TNS3: variants seen among roughly 807,000 people sequenced by gnomAD.
The protein encoded by TNS3 is tensin 3, also known as tensin-3.
Under a neutral mutation model 140.9 loss-of-function variants are expected in TNS3, and 45 were observed. The ratio of observed to expected loss-of-function variants is 0.32; its 90% CI spans 0.25 to 0.41. The LOEUF is 0.41. Ranked by LOEUF, TNS3 falls within the 10% of genes least tolerant of loss-of-function variation. The pLI is 1.00. For missense variants in TNS3, 1,716 were observed against 1,906.7 expected, an observed-to-expected ratio of 0.90 and a Z score of 1.86; for synonymous variants, 815 against 788.4, an observed-to-expected ratio of 1.03 and a Z score of -0.56.
intron 1 of TNS3, among the ~76,000 whole-genome samples, chr7:47,538,786 C>T (rs1799695922): frequency 6.6e-6 from 1 of 152,210 alleles, no homozygotes; most frequent in Admixed American, 6.5e-5. Context: ...TCATTTCCCC[C>T]TGTCCTTCAA....
At chr7:47,362,126 C>T (rs547821569) in intron 17 of TNS3, among the ~76,000 whole-genome samples, 16 of 152,296 alleles carry the variant, frequency 1.1e-4, no homozygotes, top group African/African-American at 3.6e-4. Flanking sequence ...CACCCAGGGG[C>T]TCTTCCACAA....
At chr7:47,414,234 G>A (rs996756225) in intron 11 of TNS3, among the ~76,000 whole-genome samples, 10 of 152,180 alleles carry the variant, frequency 6.6e-5, no homozygotes, top group African/African-American at 2.4e-4. Context: ...AAAGGCTCCT[G>A]AAGTGAAGCC....
chr7:47,294,613 T>C (rs977509429), intron 24 of TNS3, among the ~76,000 whole-genome samples: 1 of 152,188 alleles, frequency 6.6e-6, no homozygotes, highest in Non-Finnish European at 1.5e-5. Context: ...CTAATATTTC[T>C]GGTGTTGGAA....
At chr7:47,556,269 A>G (rs1800193175) in intron 1 of TNS3, among the ~76,000 whole-genome samples, 1 of 152,140 alleles carries the variant, frequency 6.6e-6, no homozygotes, top group South Asian at 2.1e-4. Context: ...TAAAATCAAA[A>G]CGTGATTTTT....
Position 47,415,153 on chromosome 7 carries a change from G to C in TNS3, c.527C>G (p.Ser176Cys). The C allele has an allele frequency of 6.2e-7, 1 of 1,611,362 alleles. No homozygotes were observed. Among genetic ancestry groups the C allele is most frequent in the Non-Finnish European group, 8.5e-7 (1 of 1,179,058 alleles). ...LLSGSVKMNA[S>C]PLFLHFVILH... ...GATGACAAAATGCAGGAACAGGGGA[G>C]AGGCATTCATTTTCACCGATCCGGA... Residue 176 changes from serine (S) to cysteine (C), a missense_variant, in exon 11 of 31, where the codon TCT becomes TGT. Physicochemically the swap from Ser to Cys is moderately radical, Grantham distance 112. Coordinates refer to ENST00000311160, the MANE Select transcript of TNS3 (RefSeq NM_022748.12).
At chr7:47,279,937 T>C (rs916151490) in intron 30 of TNS3, 2 of 601,492 alleles carry the variant, frequency 3.3e-6, no homozygotes, top group African/African-American at 1.9e-5. Flanking sequence ...CAGTGTTATA[T>C]GACACATGTA....
intron 4 of TNS3, among the ~76,000 whole-genome samples, chr7:47,471,860 T>G (rs1294005133): frequency 6.6e-6 from 1 of 152,134 alleles, no homozygotes; most frequent in Non-Finnish European, 1.5e-5. Context: ...CTAATCAATA[T>G]GAAAGAAGTG....
rs533527996 is a variant in TNS3 at position 47,344,805 on chromosome 7, G to A, written c.2600C>T (p.Pro867Leu). The A allele has an allele frequency of 6.2e-7, 1 of 1,613,552 alleles. No homozygotes were observed. Among genetic ancestry groups the A allele is most frequent in the East Asian group, 2.2e-5 (1 of 44,886 alleles). ...TGGGCTGCTCAGCGGGGGCTCAGGT[G>A]GGCTGAACGGAGGATGGCGCAGCGC... ...KTALRHPPFS[P>L]PEPPLSSPAS... The change falls in exon 20 of 31, where the codon CCA becomes CTA. Residue 867 changes from proline (P) to leucine (L), a missense_variant. Pro to Leu is a moderately conservative substitution (Grantham distance 98). Transcript: ENST00000311160.
At chr7:47,499,051 A>C (rs535090751) in intron 3 of TNS3, among the ~76,000 whole-genome samples, 1 of 152,380 alleles carries the variant, frequency 6.6e-6, no homozygotes, top group Admixed American at 6.5e-5. Context: ...ATTGAGGCTC[A>C]GATTACTAGG....
At chr7:47,305,066 T>G in intron 20 of TNS3, 63 bp from the exon 21 acceptor site, 13 of 1,239,096 alleles carry the variant, frequency 1.0e-5, no homozygotes, top group Non-Finnish European at 1.1e-5. Flanking sequence ...TCATAATCTC[T>G]GCTGCTTTTG....
intron 8 of TNS3, 110 bp downstream of exon 8, chr7:47,435,172 A>C (rs889539038): frequency 2.1e-6 from 3 of 1,445,880 alleles, no homozygotes; most frequent in South Asian, 2.6e-5. Context: ...TAAGGAGCAC[A>C]TCGCACCAGC....
chr7:47,479,807 G>A (rs1397431509), intron 4 of TNS3, among the ~76,000 whole-genome samples: 13 of 152,232 alleles, frequency 8.5e-5, no homozygotes, highest in African/African-American at 4.8e-5. Flanking sequence ...GCCTGACCCT[G>A]TAGTCCCTCT....
intron 16 of TNS3, among the ~76,000 whole-genome samples, chr7:47,376,726 G>GACACACACACACACACACACACACACAC (rs148067728): frequency 2.4e-4 from 35 of 144,358 alleles, no homozygotes; most frequent in African/African-American, 7.7e-4. Context: ...TCTAGATCAA[G>GACACACACACACACACACACACACACAC]ACACACACAC....
At position 47,547,123 on chromosome 7, in the gene TNS3, T is replaced by C. The variant is rs550861828; in HGVS notation, c.-264-17976A>G. 2.3e-4 allele frequency among the ~76,000 whole-genome samples: 35 copies of C among 152,234 alleles called. 1 individual carries two copies. In the South Asian group the frequency reaches 6.8e-3, roughly 30 times the overall value. On this transcript the variant is annotated intron_variant, in intron 1 of 30. Transcript: ENST00000311160. ...AGCCTAGGAGGGAGCAGAGAGAAGATAAAGCCAAGGAGGCAGTGGACCCTC... is the reference window on the plus strand; with the variant it reads ...AGCCTAGGAGGGAGCAGAGAGAAGACAAAGCCAAGGAGGCAGTGGACCCTC...
At chr7:47,483,636 G>C (rs1210419547) in intron 3 of TNS3, among the ~76,000 whole-genome samples, 2 of 152,204 alleles carry the variant, frequency 1.3e-5, no homozygotes. Context: ...TTAAGGATTT[G>C]GTCCAGAAGC....
At chr7:47,304,060 C>A (rs969368655) in intron 21 of TNS3, among the ~76,000 whole-genome samples, 6 of 152,210 alleles carry the variant, frequency 3.9e-5, no homozygotes, top group Non-Finnish European at 5.9e-5. Flanking sequence ...AGGGATGCCA[C>A]CCACATTCAT....
chr7:47,581,818 G>A (rs1423371168), intron 1 of TNS3, among the ~76,000 whole-genome samples: 1 of 150,640 alleles, frequency 6.6e-6, no homozygotes, highest in Admixed American at 6.6e-5. Flanking sequence ...GGGTCCCCGC[G>A]CTCCCTAACC....
intron 13 of TNS3, among the ~76,000 whole-genome samples, chr7:47,401,820 G>A (rs777851302): frequency 2.0e-5 from 3 of 152,222 alleles, no homozygotes; most frequent in Admixed American, 6.5e-5. Context: ...TCAGGGGCAG[G>A]ACCACCAGGT....
At chr7:47,328,171 C>A (rs1310365906) in intron 20 of TNS3, among the ~76,000 whole-genome samples, 1 of 152,106 alleles carries the variant, frequency 6.6e-6, no homozygotes, top group Non-Finnish European at 1.5e-5. Context: ...GGGAGTCGTG[C>A]AGGGGGCGGG....
Sources: gnomAD v4.1 joint callset for allele counts (sites outside exome capture counted in the v4.1 genomes callset) on GRCh38, gnomAD v4.1.1 for gene constraint, MANE v1.5 for transcripts, NCBI Gene and HGNC (gene_info 2026-07-23, HGNC 2026-07-21) for gene names.